The following KLHDC10 variants were observed in gnomAD, a reference collection of about 807,000 sequenced individuals.
KLHDC10 encodes kelch domain containing 10, also known as kelch domain-containing protein 10.
A neutral mutation model predicts 56.1 loss-of-function variants in KLHDC10; 24 were observed. The observed-to-expected ratio is 0.43, with a 90% confidence interval of 0.31 to 0.60. The LOEUF (loss-of-function observed/expected upper bound fraction) is 0.60. Among genes scored for constraint, KLHDC10 ranks in the 20% least tolerant of loss-of-function variants. The pLI, the probability that KLHDC10 is intolerant of heterozygous loss-of-function variation, is 0.11. For synonymous variants in KLHDC10, 188 were observed against 207.1 expected (o/e 0.91, Z 0.79); for missense variants, 349 against 567.0 (o/e 0.62, Z 3.91).
chr7:130,073,293 C>CTT (rs768140763), intron 1 of KLHDC10, among the ~76,000 whole-genome samples: 15 of 122,948 alleles, frequency 1.2e-4, no homozygotes, highest in Admixed American at 2.5e-4. Context: ...TCCTATTTGT[C>CTT]TTTTTTTTTT....
At chr7:130,111,476 G>A (rs1216075212) in intron 2 of KLHDC10, among the ~76,000 whole-genome samples, 3 of 152,108 alleles carry the variant, frequency 2.0e-5, no homozygotes, top group African/African-American at 7.2e-5. Flanking sequence ...GGCTGGGGCA[G>A]GAGGATCATT....
intron 1 of KLHDC10, among the ~76,000 whole-genome samples, chr7:130,095,724 T>C (rs1795840516): frequency 6.6e-6 from 1 of 152,182 alleles, no homozygotes; most frequent in Admixed American, 6.5e-5. Flanking sequence ...GAATATATAT[T>C]TCCAGTTGCC....
chr7:130,128,889 A>AAAAAAATATATATATAT, intron 8 of KLHDC10, among the ~76,000 whole-genome samples: 10 of 66,952 alleles, frequency 1.5e-4, no homozygotes, highest in African/African-American at 2.9e-4. Flanking sequence ...AAAAAAAAAA[A>AAAAAAATATATATATAT]ATATATATAT....
rs554381684 is a variant in KLHDC10, at chr7:130,107,525, AAC to A, written c.254-8918_254-8917del. ...GTACTTAGAAATAAAAAAACAATAA[AAC>A]AATGAAACTTGATGAAATACAAAAC... On this transcript the variant is annotated intron_variant, in intron 2 of 9. Coordinates refer to ENST00000335420, the MANE Select transcript of KLHDC10 (RefSeq NM_014997.4). Among the ~76,000 whole-genome samples, 873 of 152,114 alleles carry A rather than the reference AAC, an allele frequency of 5.7e-3. 6 individuals carry two copies. Among genetic ancestry groups the A allele is most frequent in the African/African-American group, 0.02 (812 of 41,426 alleles).
intron 1 of KLHDC10, among the ~76,000 whole-genome samples, chr7:130,074,124 G>T (rs1018220973): frequency 1.3e-5 from 2 of 152,110 alleles, no homozygotes; most frequent in African/African-American, 2.4e-5. Context: ...CCTGTGTTAC[G>T]TTCTCTTGGT....
At chr7:130,115,714 C>CAA (rs11451164) in intron 2 of KLHDC10, among the ~76,000 whole-genome samples, 24,789 of 99,624 alleles carry the variant, frequency 0.25, 3,762 homozygotes, top group African/African-American at 0.28. Context: ...GACTTGGTCT[C>CAA]AAAAAAAAAA....
chr7:130,130,556 ATGGAGGAG>A lies in KLHDC10; in HGVS notation c.1143_1150del (p.Gly382GlufsTer4). 1.2e-6 allele frequency: 2 copies of A among 1,613,990 alleles called. No individual in the cohort carries two copies. The highest frequency in any genetic ancestry group is 1.7e-6 in the Non-Finnish European group (2 of 1,179,986). On this transcript the variant is annotated frameshift_variant, in exon 10 of 10. Coordinates refer to ENST00000335420, the MANE Select transcript of KLHDC10 (RefSeq NM_014997.4). LOFTEE classifies it high-confidence loss of function. This position sits in a 1 kb window ranked among gnomAD's most constrained non-coding sequence, Gnocchi z 4.2. Reference sequence around the variant, plus strand: ...TCATAGGCTGGTTGCATGTACATTCATGGAGGAGTGGTGAACATCCATGAAAACAAACG... The same window carrying A: ...TCATAGGCTGGTTGCATGTACATTCATGGTGAACATCCATGAAAACAAACG...
chr7:130,096,629 A>T (rs748399884), intron 1 of KLHDC10, among the ~76,000 whole-genome samples: 37 of 152,322 alleles, frequency 2.4e-4, no homozygotes, highest in Admixed American at 3.3e-4. Flanking sequence ...AATTTTTGCC[A>T]CAAGATGGCA....
intron 6 of KLHDC10, 63 bp from the exon 7 acceptor site, chr7:130,125,802 T>A: frequency 7.6e-7 from 1 of 1,311,506 alleles, no homozygotes; most frequent in Non-Finnish European, 1.1e-6. Flanking sequence ...AAAAAATCCT[T>A]TTTCAGGCTA....
chr7:130,112,026 T>C (rs766473114), intron 2 of KLHDC10, among the ~76,000 whole-genome samples: 3 of 152,222 alleles, frequency 2.0e-5, no homozygotes, highest in African/African-American at 7.2e-5. Context: ...ATTGTATCTA[T>C]TAAAAATTTT....
chr7:130,130,644 A>T lies in KLHDC10; in HGVS notation c.1227A>T (p.Ala409=), dbSNP rs1277183420. The change falls in exon 10 of 10, where the codon GCA becomes GCT. Residue 409 remains alanine, a synonymous_variant. Transcript: ENST00000335420. The surrounding 1 kb of genome is among the most constrained non-coding windows in gnomAD (Gnocchi z 4.2). ...TGGTACCTAGCCTGCTGGAACTGGC[A>T]TGGGAGAAGCTGCTTGCGGCCTTCC... ...WLVVPSLLEL[A]WEKLLAAFPN... The T allele has an allele frequency of 1.9e-6, 3 of 1,614,166 alleles. No homozygotes were observed. In the South Asian group the frequency reaches 3.3e-5, roughly 18 times the overall value.
chr7:130,081,423 A>G (rs1427101219), intron 1 of KLHDC10, among the ~76,000 whole-genome samples: 1 of 151,960 alleles, frequency 6.6e-6, no homozygotes, highest in Admixed American at 6.6e-5. Flanking sequence ...GGTTCAAGCT[A>G]TTCTCCTGTC....
chr7:130,072,378 G>C (rs1216919320), intron 1 of KLHDC10, among the ~76,000 whole-genome samples: 1 of 152,118 alleles, frequency 6.6e-6, no homozygotes, highest in Non-Finnish European at 1.5e-5. Flanking sequence ...CTTCAGTGTA[G>C]AGCTATTTCT....
Position 130,070,564 on chromosome 7 carries a change from AG to A in KLHDC10, c.-78del, listed in dbSNP as rs1325647481. 8.1e-7 allele frequency: 1 copy of A among 1,230,784 alleles called. No homozygotes were observed. Among genetic ancestry groups the A allele is most frequent in the African/African-American group, 1.5e-5 (1 of 65,182 alleles). The allele number at this position is 1,230,784 out of a possible 1,614,324, so 76.2% of individuals were successfully genotyped here. ...CTTCCCCTGTCTCCTGGGTCTCTGG[AG>A]GAGCCCAGGAAGGAGGCTCCGCTGG... On this transcript the variant is annotated 5_prime_UTR_variant, in exon 1 of 10. Transcript: ENST00000335420.
rs1437634265 is a variant in KLHDC10, at chr7:130,132,947, G to C, written c.*2201G>C. The C allele has an allele frequency of 6.6e-6, 1 of 152,250 alleles. No homozygotes were observed. The highest frequency in any genetic ancestry group is 2.4e-5 in the African/African-American group (1 of 41,458). 9.4% of individuals were successfully genotyped at this position (152,250 alleles called of 1,614,324 possible). A position where few individuals can be genotyped will look rare whatever the true frequency, so the allele number is the denominator to read the frequency against. ...CCCTGCTACACCAGAGAGCTGAAGA[G>C]AGATGTGGTCTGGTTCCATCCATAC... On this transcript the variant is annotated 3_prime_UTR_variant, in exon 10 of 10. Coordinates refer to ENST00000335420, the MANE Select transcript of KLHDC10 (RefSeq NM_014997.4).
At chr7:130,109,127 G>A (rs939480430) in intron 2 of KLHDC10, among the ~76,000 whole-genome samples, 1 of 151,668 alleles carries the variant, frequency 6.6e-6, no homozygotes, top group Non-Finnish European at 1.5e-5. Context: ...GGCTGGTCTC[G>A]AACTCCTAAT....
chr7:130,110,870 G>A (rs929886838), intron 2 of KLHDC10, among the ~76,000 whole-genome samples: 1 of 152,060 alleles, frequency 6.6e-6, no homozygotes, highest in East Asian at 1.9e-4. Context: ...GACTTACTAA[G>A]CAGTAAATGT....
intron 3 of KLHDC10, among the ~76,000 whole-genome samples, chr7:130,119,779 G>T (rs6467282): frequency 0.11 from 16,970 of 150,386 alleles, 1,062 homozygotes; most frequent in Middle Eastern, 0.19. Context: ...GGGAGGTGGA[G>T]GTTGCAGTGA....
intron 1 of KLHDC10, among the ~76,000 whole-genome samples, chr7:130,073,942 G>T (rs756430315): frequency 2.0e-5 from 3 of 152,084 alleles, no homozygotes; most frequent in Non-Finnish European, 2.9e-5. Flanking sequence ...AGCAGTATTC[G>T]TGCTTCTACT....
Sources: gnomAD v4.1 joint callset for allele counts (sites outside exome capture counted in the v4.1 genomes callset) on GRCh38, gnomAD v4.1.1 for gene constraint, Gnocchi (gnomAD v3.1) non-coding constraint, MANE v1.5 for transcripts, NCBI Gene and HGNC (gene_info 2026-07-23, HGNC 2026-07-21) for gene names.